Variants in CPVL observed in about 807,000 individuals in gnomAD.
CPVL encodes the protein probable serine carboxypeptidase CPVL.
CPVL carries 51 observed loss-of-function variants against 63.7 expected under a neutral mutation model. The observed-to-expected ratio is 0.80, with a 90% confidence interval of 0.64 to 1.01. The LOEUF (loss-of-function observed/expected upper bound fraction) is 1.01, where lower values mean the gene tolerates loss of function less well. Ranked by LOEUF, CPVL falls within the 50% of genes least tolerant of loss-of-function variation. The pLI, the probability that CPVL is intolerant of heterozygous loss-of-function variation, is 0.00. For synonymous variants in CPVL, 195 were observed against 206.0 expected (o/e 0.95, Z 0.46); for missense variants, 530 against 573.1 (o/e 0.92, Z 0.77).
chr7:29,164,589 T>C (rs1251512693), intron 5 of CPVL, among the ~76,000 whole-genome samples: 1 of 151,874 alleles, frequency 6.6e-6, no homozygotes, highest in Non-Finnish European at 1.5e-5. Flanking sequence ...GAGACCAGCC[T>C]GAGCAACATG....
chr7:29,108,484 T>C (rs1217903539), intron 3 of CPVL, among the ~76,000 whole-genome samples: 2 of 152,210 alleles, frequency 1.3e-5, no homozygotes, highest in African/African-American at 2.4e-5. Flanking sequence ...TAATCCACCT[T>C]GATGGCTGGG....
At chr7:29,109,727 A>T (rs1788070352) in intron 3 of CPVL, among the ~76,000 whole-genome samples, 1 of 152,224 alleles carries the variant, frequency 6.6e-6, no homozygotes, top group Admixed American at 6.5e-5. Flanking sequence ...CACCATGTAC[A>T]CTTAAAGACA....
chr7:29,099,278 T>C (rs977237489), intron 3 of CPVL, among the ~76,000 whole-genome samples: 9 of 142,882 alleles, frequency 6.3e-5, no homozygotes, highest in Admixed American at 2.1e-4. Context: ...AATGACAGAA[T>C]AGGAAAGTGG....
chr7:29,072,146 T>C (rs1783808866), intron 8 of CPVL, among the ~76,000 whole-genome samples, 155 bp downstream of exon 8: 1 of 152,126 alleles, frequency 6.6e-6, no homozygotes, highest in Non-Finnish European at 1.5e-5. Flanking sequence ...AATTGATACG[T>C]TGAAACATTT....
At chr7:29,016,415 G>C (rs1344384979) in intron 12 of CPVL, among the ~76,000 whole-genome samples, 1 of 151,900 alleles carries the variant, frequency 6.6e-6, no homozygotes, top group Non-Finnish European at 1.5e-5. Context: ...CAAAATGAAA[G>C]TTTAAACCAG....
chr7:29,083,201 A>C (rs1235781111), intron 7 of CPVL, among the ~76,000 whole-genome samples: 1 of 152,186 alleles, frequency 6.6e-6, no homozygotes, highest in East Asian at 1.9e-4. Flanking sequence ...CCCATGGAAA[A>C]ACTCGGACCA....
chr7:29,055,020 T>A (rs1790584366), intron 11 of CPVL, among the ~76,000 whole-genome samples: 1 of 152,210 alleles, frequency 6.6e-6, no homozygotes, highest in Non-Finnish European at 1.5e-5. Flanking sequence ...AACTCCATTT[T>A]TATGCCTTCA....
intron 1 of CPVL, among the ~76,000 whole-genome samples, chr7:29,131,102 C>T (rs760262239): frequency 1.3e-5 from 2 of 151,850 alleles, no homozygotes; most frequent in Non-Finnish European, 2.9e-5. Flanking sequence ...ACCCAGGAGG[C>T]GGAGCTTGCA....
intron 3 of CPVL, among the ~76,000 whole-genome samples, chr7:29,098,764 T>C (rs1212771625): frequency 6.6e-6 from 1 of 152,078 alleles, no homozygotes; most frequent in Non-Finnish European, 1.5e-5. Flanking sequence ...TCCCCACCTA[T>C]AAAAATGGGA....
chr7:29,086,102 G>C (rs529917367), intron 7 of CPVL, among the ~76,000 whole-genome samples: 1 of 152,192 alleles, frequency 6.6e-6, no homozygotes, highest in Non-Finnish European at 1.5e-5. Context: ...GACCAGCCTG[G>C]CCAACATGGT....
intron 11 of CPVL, among the ~76,000 whole-genome samples, chr7:29,054,304 T>A (rs317736): frequency 2.0e-5 from 3 of 152,210 alleles, no homozygotes; most frequent in Admixed American, 2.0e-4. Context: ...ATATATTCTT[T>A]AGAAGCTCCT....
At chr7:29,171,960 T>C (rs533366129) in intron 5 of CPVL, among the ~76,000 whole-genome samples, 14 of 152,170 alleles carry the variant, frequency 9.2e-5, no homozygotes, top group Non-Finnish European at 1.8e-4. Flanking sequence ...TCTGAAGTAA[T>C]TGTCCTCCTC....
intron 5 of CPVL, among the ~76,000 whole-genome samples, chr7:29,168,377 C>T (rs1308142623): frequency 1.3e-5 from 2 of 152,092 alleles, no homozygotes; most frequent in African/African-American, 4.8e-5. Flanking sequence ...TTAAATAAAA[C>T]TTTTTATCTT....
At chr7:29,142,411 T>G (rs1475266067) in intron 1 of CPVL, among the ~76,000 whole-genome samples, 1 of 152,102 alleles carries the variant, frequency 6.6e-6, no homozygotes, top group Non-Finnish European at 1.5e-5. Flanking sequence ...CAGGACAGTA[T>G]CACCACTGTC....
At chr7:29,064,269 A>G (rs1291290780) in intron 10 of CPVL, 35 bp from the exon 11 acceptor site, 1 of 1,357,018 alleles carries the variant, frequency 7.4e-7, no homozygotes, top group African/African-American at 1.4e-5. Context: ...CATAGGGAAC[A>G]TGATTGGTGG....
At position 29,112,727 on chromosome 7, in the gene CPVL, A is replaced by C. The variant is rs745808858; in HGVS notation, c.265T>G (p.Phe89Val). Residue 89 changes from phenylalanine to valine, a missense_variant, in exon 3 of 13, where the codon TTC becomes GTC. By Grantham distance (50) the Phe-to-Val change is conservative (BLOSUM62 -1). Coordinates refer to ENST00000265394, the MANE Select transcript of CPVL (RefSeq NM_031311.5). ...TVNKTYNSNL[F>V]FWFFPAQIQP... ...ACCTGAGCTGGGAAGAACCAGAAGA[A>C]GAGGTTGCTGTTGTAAGTCTTATTC... 1 of 1,613,040 alleles carries C rather than the reference A, an allele frequency of 6.2e-7. No individual in the cohort carries two copies. Among genetic ancestry groups the C allele is most frequent in the Non-Finnish European group, 8.5e-7 (1 of 1,179,284 alleles).
chr7:29,193,664 T>A (rs1783187657), intron 1 of CPVL: 1 of 152,160 alleles, frequency 6.6e-6, no homozygotes, highest in Non-Finnish European at 1.5e-5. Context: ...TAATTTAGGT[T>A]TAAATACAGG....
At chr7:29,064,264 G>A (rs149133913) in intron 10 of CPVL, 30 bp from the exon 11 acceptor site, 4 of 1,415,620 alleles carry the variant, frequency 2.8e-6, no homozygotes, top group South Asian at 2.4e-5. Context: ...AAAGACATAG[G>A]GAACATGATT....
chr7:29,124,471 A>G (rs1162250795), intron 1 of CPVL, among the ~76,000 whole-genome samples: 2 of 152,182 alleles, frequency 1.3e-5, no homozygotes, highest in Non-Finnish European at 2.9e-5. Context: ...GGTCAAAAGT[A>G]TATAATTTGC....
Sources: allele counts gnomAD v4.1 joint callset (sites outside exome capture counted in the v4.1 genomes callset), GRCh38; gene constraint gnomAD v4.1.1; transcripts MANE v1.5; gene names NCBI Gene and HGNC (gene_info 2026-07-23, HGNC 2026-07-21).